The following LARGE1 variants were observed in gnomAD, a reference collection of about 807,000 sequenced individuals.
LARGE1 encodes LARGE xylosyl- and glucuronyltransferase 1, also known as xylosyl- and glucuronyltransferase LARGE1.
Under a neutral mutation model 87.6 loss-of-function variants are expected in LARGE1, and 43 were observed. That is an observed-to-expected ratio of 0.49 (90% CI 0.38 to 0.63). The LOEUF (loss-of-function observed/expected upper bound fraction) is 0.63, where lower values mean the gene tolerates loss of function less well. LARGE1 is among the 30% of genes least tolerant of loss of function. The pLI, the probability that LARGE1 is intolerant of heterozygous loss-of-function variation, is 0.00. For missense variants in LARGE1, 802 were observed against 1,000.2 expected (o/e 0.80, Z 2.67); for synonymous variants, 434 against 394.6 (o/e 1.10, Z -1.18).
chr22:33,428,318 C>CT (rs34881147), intron 7 of LARGE1, among the ~76,000 whole-genome samples: 7,310 of 132,910 alleles, frequency 0.055, 629 homozygotes, highest in African/African-American at 0.19. Flanking sequence ...TTTGTTATGT[C>CT]TTTTTTTTTT....
intron 6 of LARGE1, among the ~76,000 whole-genome samples, chr22:33,540,173 A>C (rs796114459): frequency 1.1e-4 from 17 of 152,230 alleles, no homozygotes; most frequent in African/African-American, 4.1e-4. Context: ...ATTGCCAACT[A>C]CACTAATGAG....
chr22:33,239,741 G>T (rs960219964), intron 11 of LARGE1, among the ~76,000 whole-genome samples: 3 of 151,874 alleles, frequency 2.0e-5, no homozygotes, highest in Non-Finnish European at 2.9e-5. Flanking sequence ...GTTTCACTAT[G>T]TTGGCCAGGT....
the LARGE1 span, among the ~76,000 whole-genome samples, chr22:33,087,687 C>A: frequency 6.6e-6 from 1 of 152,270 alleles, no homozygotes; most frequent in Non-Finnish European, 1.5e-5. Flanking sequence ...GTAATCCCAG[C>A]ACTTTGGGAG....
At chr22:33,318,419 G>A (rs902620685) in intron 10 of LARGE1, among the ~76,000 whole-genome samples, 2 of 152,142 alleles carry the variant, frequency 1.3e-5, no homozygotes, top group Non-Finnish European at 2.9e-5. Context: ...CTTCACCCAT[G>A]TCCCTACAAA....
At chr22:33,856,413 C>G (rs1274545729) in intron 1 of LARGE1, among the ~76,000 whole-genome samples, 2 of 152,114 alleles carry the variant, frequency 1.3e-5, no homozygotes, top group African/African-American at 4.8e-5. Context: ...AGACTTAAGG[C>G]GCAGCTCCTA....
intron 7 of LARGE1, among the ~76,000 whole-genome samples, chr22:33,402,097 T>C (rs2065943573): frequency 6.6e-6 from 1 of 152,208 alleles, no homozygotes; most frequent in South Asian, 2.1e-4. Context: ...AATTGGTATG[T>C]TTATGCTTGT....
chr22:33,579,966 A>T (rs2078465930), intron 5 of LARGE1, among the ~76,000 whole-genome samples: 1 of 152,202 alleles, frequency 6.6e-6, no homozygotes, highest in Non-Finnish European at 1.5e-5. Context: ...GGGAATATTT[A>T]AGCGTCCTTG....
chr22:33,540,979 A>AT (rs1053364559), intron 6 of LARGE1, among the ~76,000 whole-genome samples: 1 of 145,950 alleles, frequency 6.9e-6, no homozygotes, highest in Non-Finnish European at 1.5e-5. Context: ...ATTAAAAAAA[A>AT]ATATAAAAAT....
At chr22:33,630,955 C>T (rs962981704) in intron 3 of LARGE1, among the ~76,000 whole-genome samples, 21 of 151,810 alleles carry the variant, frequency 1.4e-4, no homozygotes, top group African/African-American at 4.6e-4. Context: ...CGGGCTCAAG[C>T]GATTCTCCTG....
In LARGE1 at chr22:33,403,146, A is replaced by T. The variant is rs146744944; in HGVS notation, c.893-18842T>A. Among the ~76,000 whole-genome samples the T allele has an allele frequency of 3.5e-3, 535 of 152,194 alleles. 1 individual carries two copies. The highest frequency in any genetic ancestry group is 5.4e-3 in the Non-Finnish European group (370 of 67,990). On this transcript the variant is annotated intron_variant, in intron 7 of 14. Transcript: ENST00000397394. ...TATTGTAGGTGCTTTGTGGCACCAA[A>T]CTCTGAGCTCCCAGAGGGCAGTGGT...
intron 2 of LARGE1, among the ~76,000 whole-genome samples, chr22:33,694,488 C>T (rs879684496): frequency 2.6e-5 from 4 of 152,184 alleles, no homozygotes; most frequent in Non-Finnish European, 5.9e-5. Context: ...TGTGCGCCTA[C>T]TAATGAACGT....
At chr22:33,632,018 T>C (rs1166374923) in intron 3 of LARGE1, among the ~76,000 whole-genome samples, 1 of 152,198 alleles carries the variant, frequency 6.6e-6, no homozygotes, top group East Asian at 1.9e-4. Flanking sequence ...ACACTCATGT[T>C]TCTCTGTCAC....
At chr22:33,700,414 T>A (rs1167627759) in intron 2 of LARGE1, among the ~76,000 whole-genome samples, 1 of 152,222 alleles carries the variant, frequency 6.6e-6, no homozygotes, top group Non-Finnish European at 1.5e-5. Flanking sequence ...CCAGGCACTA[T>A]GCGGAAGGCT....
At chr22:33,519,998 CTTTTTT>C (rs397868082) in intron 6 of LARGE1, among the ~76,000 whole-genome samples, 24 of 97,230 alleles carry the variant, frequency 2.5e-4, no homozygotes, top group Middle Eastern at 7.5e-3. Flanking sequence ...TGGTTTTTCT[CTTTTTT>C]TTTTTTTTTT....
chr22:33,241,633 T>C (rs1292486782), intron 11 of LARGE1, among the ~76,000 whole-genome samples: 3 of 151,942 alleles, frequency 2.0e-5, no homozygotes, highest in Non-Finnish European at 2.9e-5. Flanking sequence ...TATATGTATA[T>C]ATGTATATAT....
intron 10 of LARGE1, among the ~76,000 whole-genome samples, chr22:33,332,419 C>G (rs1186280508): frequency 1.3e-5 from 2 of 152,186 alleles, no homozygotes; most frequent in African/African-American, 2.4e-5. Flanking sequence ...TCAATTAAAC[C>G]TCTTTCCTTT....
At chr22:33,431,998 CAAG>C (rs1415497930) in intron 7 of LARGE1, among the ~76,000 whole-genome samples, 160 bp downstream of exon 7, 1 of 152,138 alleles carries the variant, frequency 6.6e-6, no homozygotes, top group Admixed American at 6.6e-5. Flanking sequence ...GGTATAGCAC[CAAG>C]AAGGAACTGG....
the LARGE1 span, chr22:33,105,712 C>T: frequency 6.6e-6 from 1 of 152,234 alleles, no homozygotes; most frequent in Non-Finnish European, 1.5e-5. Flanking sequence ...CCCGTTGCGC[C>T]TGAGTTGTTT....
chr22:33,883,723 T>C (rs977967478), intron 1 of LARGE1, among the ~76,000 whole-genome samples: 2 of 152,216 alleles, frequency 1.3e-5, no homozygotes, highest in East Asian at 1.9e-4. Flanking sequence ...CTCGGCTCTT[T>C]CCCCAGAAAG....
Sources: gnomAD v4.1 joint callset for allele counts (sites outside exome capture counted in the v4.1 genomes callset) on GRCh38, gnomAD v4.1.1 for gene constraint, MANE v1.5 for transcripts, NCBI Gene and HGNC (gene_info 2026-07-23, HGNC 2026-07-21) for gene names.